Variants in APPL2 observed in about 807,000 individuals in gnomAD.
APPL2 encodes adaptor protein, phosphotyrosine interacting with PH domain and leucine zipper 2.
In APPL2, 84 loss-of-function variants were observed where a neutral mutation model predicts 92.7. The ratio of observed to expected loss-of-function variants is 0.91; its 90% CI spans 0.76 to 1.09. The LOEUF is 1.09. Among genes scored for constraint, APPL2 ranks in the 50% least tolerant of loss-of-function variants. The pLI is 0.00. For synonymous variants in APPL2, 291 were observed against 291.0 expected, an observed-to-expected ratio of 1.00 and a Z score of 0.00; for missense variants, 736 against 824.5, an observed-to-expected ratio of 0.89 and a Z score of 1.31.
intron 10 of APPL2, 73 bp downstream of exon 10, chr12:105,199,300 C>T (rs1011725009): frequency 4.9e-5 from 75 of 1,537,238 alleles, no homozygotes; most frequent in Non-Finnish European, 6.4e-5. Context: ...TAATGAGGCA[C>T]GTAAGATTGC....
intron 20 of APPL2, among the ~76,000 whole-genome samples, chr12:105,174,741 T>A (rs1443082263): frequency 6.6e-6 from 1 of 152,206 alleles, no homozygotes; most frequent in Admixed American, 6.5e-5. Flanking sequence ...ATCTTTAAAC[T>A]CCTTCTTTTC....
intron 1 of APPL2, among the ~76,000 whole-genome samples, chr12:105,230,301 G>A (rs140304941): frequency 1.1e-4 from 16 of 152,182 alleles, no homozygotes; most frequent in Non-Finnish European, 2.1e-4. Flanking sequence ...TTCATCCACG[G>A]TGCTCAGAAC....
chr12:105,223,466 A>G (rs1890267588), intron 2 of APPL2, among the ~76,000 whole-genome samples: 1 of 151,684 alleles, frequency 6.6e-6, no homozygotes, highest in Non-Finnish European at 1.5e-5. Context: ...AGAGCCCAGG[A>G]GGGGGCCAGG....
At chr12:105,226,494 G>A (rs577284225) in intron 2 of APPL2, among the ~76,000 whole-genome samples, 7 of 152,200 alleles carry the variant, frequency 4.6e-5, no homozygotes, top group African/African-American at 7.2e-5. Context: ...GCAAAATGTC[G>A]TTTTCTGCCT....
intron 7 of APPL2, among the ~76,000 whole-genome samples, chr12:105,207,492 T>A (rs1224928554): frequency 1.3e-5 from 2 of 152,264 alleles, no homozygotes. Context: ...CAGCATGTAC[T>A]GAAGAAGGCT....
rs779479228 is a variant in APPL2, at chr12:105,211,247, C to T, written c.356G>A (p.Arg119Gln). ...DTMVLPIIQF[R>Q]EKDLTEVSTL... The stretch of plus-strand genomic sequence containing the variant: ...TACTTTACCTGTGAGATCCTTTTCT[C>T]GGAATTGTATGATAGGTAGAACCAT... The change falls in exon 5 of 21, where the codon CGA becomes CAA. Residue 119 changes from arginine to glutamine, a missense_variant. By Grantham distance (43) the Arg-to-Gln change is conservative (BLOSUM62 1). Coordinates refer to ENST00000258530, the MANE Select transcript of APPL2 (RefSeq NM_018171.5). 13 of 1,613,340 alleles carry T rather than the reference C, an allele frequency of 8.1e-6. No homozygotes were observed. Among genetic ancestry groups the T allele is most frequent in the East Asian group, 2.2e-5 (1 of 44,866 alleles).
At chr12:105,175,731 G>C (rs1321698004) in intron 20 of APPL2, among the ~76,000 whole-genome samples, 9 of 151,350 alleles carry the variant, frequency 5.9e-5, no homozygotes, top group Middle Eastern at 3.4e-3. Context: ...CAAGGCCTTA[G>C]AGCAGCACAC....
In APPL2 at chr12:105,210,406, G is replaced by A. The variant is rs17036794; in HGVS notation, c.373+824C>T. Among the ~76,000 whole-genome samples, 277 of 152,182 alleles carry A rather than the reference G, an allele frequency of 1.8e-3. 5 individuals carry two copies. The East Asian group carries it at 0.04, about 22-fold the overall frequency. On this transcript the variant is annotated intron_variant, in intron 5 of 20. Transcript: ENST00000258530. The stretch of plus-strand genomic sequence containing the variant: ...TTAGCATTCAGGTTTAGGCTTTTTT[G>A]GGGCCAGCAACTTGTTTATATCAGT...
chr12:105,185,040 G>A (rs1157888506), intron 17 of APPL2, among the ~76,000 whole-genome samples: 1 of 152,128 alleles, frequency 6.6e-6, no homozygotes, highest in African/African-American at 2.4e-5. Flanking sequence ...TCTTCCTGAT[G>A]GCTTTCTTTA....
chr12:105,203,913 C>T (rs1211599437), intron 8 of APPL2, 128 bp from the exon 9 acceptor site: 4 of 731,618 alleles, frequency 5.5e-6, no homozygotes, highest in Non-Finnish European at 9.4e-6. Context: ...GCGGCACTGG[C>T]AGCATCTCTA....
intron 17 of APPL2, among the ~76,000 whole-genome samples, chr12:105,178,988 CTTTT>C (rs1027119353): frequency 5.3e-5 from 8 of 152,000 alleles, no homozygotes; most frequent in African/African-American, 1.9e-4. Context: ...CTAGATTTCT[CTTTT>C]TTTATTATTA....
At chr12:105,221,573 T>C (rs116313508) in intron 2 of APPL2, among the ~76,000 whole-genome samples, 165 of 152,298 alleles carry the variant, frequency 1.1e-3, no homozygotes, top group African/African-American at 3.2e-3. Flanking sequence ...GTAGGGCCCA[T>C]AGATATGAAC....
intron 17 of APPL2, among the ~76,000 whole-genome samples, chr12:105,183,402 T>C (rs1003996107): frequency 1.3e-5 from 2 of 152,310 alleles, no homozygotes; most frequent in Middle Eastern, 3.4e-3. Context: ...TACTGGTTTT[T>C]CCTTTCCATA....
In APPL2 at chr12:105,234,959, T is replaced by C. The variant is rs74555382; in HGVS notation, c.54+1000A>G. Among the ~76,000 whole-genome samples, 981 of 152,300 alleles carry C rather than the reference T, an allele frequency of 6.4e-3. 3 individuals carry two copies. The highest frequency in any genetic ancestry group is 0.011 in the Non-Finnish European group (741 of 68,010). On this transcript the variant is annotated intron_variant, in intron 1 of 20. Coordinates refer to ENST00000258530, the MANE Select transcript of APPL2 (RefSeq NM_018171.5). ...TATGCATACAGCCCTTCGGACTTAT[T>C]CTGAACTGTCGATGTAGGTAAATCC...
At chr12:105,185,004 G>A (rs765906031) in intron 17 of APPL2, among the ~76,000 whole-genome samples, 5 of 152,118 alleles carry the variant, frequency 3.3e-5, no homozygotes, top group African/African-American at 4.8e-5. Flanking sequence ...GTTTTATGGC[G>A]CTGCGGCAGG....
At chr12:105,226,990 GT>G (rs2136082703) in intron 2 of APPL2, among the ~76,000 whole-genome samples, 1 of 152,072 alleles carries the variant, frequency 6.6e-6, no homozygotes, top group African/African-American at 2.4e-5. Flanking sequence ...GTGTGGTGGT[GT>G]GCACCTGTAG....
At chr12:105,206,994 T>C in intron 8 of APPL2, 67 bp downstream of exon 8, 3 of 1,558,556 alleles carry the variant, frequency 1.9e-6, no homozygotes, top group Non-Finnish European at 2.6e-6. Context: ...CAGTGTCTCC[T>C]GCGTGCCCTC....
chr12:105,189,296 G>T (rs190768127), intron 16 of APPL2, among the ~76,000 whole-genome samples: 233 of 152,290 alleles, frequency 1.5e-3, no homozygotes, highest in Middle Eastern at 3.4e-3. Flanking sequence ...CTCCAAAAGT[G>T]CTGGGATTAC....
At chr12:105,186,842 CAT>C (rs1886780227) in intron 17 of APPL2, among the ~76,000 whole-genome samples, 1 of 151,620 alleles carries the variant, frequency 6.6e-6, no homozygotes, top group Admixed American at 6.6e-5. Flanking sequence ...CCTAGTAACA[CAT>C]AGCATCTTTT....
Sources: gnomAD v4.1 joint callset for allele counts (sites outside exome capture counted in the v4.1 genomes callset) on GRCh38, gnomAD v4.1.1 for gene constraint, MANE v1.5 for transcripts, NCBI Gene and HGNC (gene_info 2026-07-23, HGNC 2026-07-21) for gene names.